Variants in FRMPD2 observed in about 807,000 individuals in gnomAD.
The protein encoded by FRMPD2 is FERM and PDZ domain-containing protein 2.
FRMPD2 carries 96 observed loss-of-function variants against 140.1 expected under a neutral mutation model. The observed-to-expected ratio is 0.69, with a 90% CI of 0.58 to 0.81. The LOEUF (loss-of-function observed/expected upper bound fraction) is 0.81. Ranked by LOEUF, FRMPD2 falls within the 40% of genes least tolerant of loss-of-function variation. The probability of loss-of-function intolerance (pLI) is 0.00; values close to 1 mark genes in which losing one functional copy is unlikely to be tolerated. For synonymous variants in FRMPD2, 449 were observed against 547.6 expected, an observed-to-expected ratio of 0.82 and a Z score of 2.52; for missense variants, 1,240 against 1,447.4, an observed-to-expected ratio of 0.86 and a Z score of 2.32.
At position 48,243,019 on chromosome 10, in the gene FRMPD2, G is replaced by C. The variant is rs149180942; in HGVS notation, c.376-667C>G. On this transcript the variant is annotated intron_variant, in intron 4 of 28. Coordinates refer to ENST00000374201, the MANE Select transcript of FRMPD2 (RefSeq NM_001018071.4). ...TTCTCAAGCTCAACACACACTGCAG[G>C]TCACTTTCCAGATAAAGGCTGCACT... Among the ~76,000 whole-genome samples the C allele has an allele frequency of 7.0e-4, 106 of 152,266 alleles. 1 individual carries two copies. In the East Asian group the frequency reaches 0.018, roughly 26 times the overall value.
intron 12 of FRMPD2, among the ~76,000 whole-genome samples, chr10:48,222,061 G>T (rs1839605708): frequency 1.3e-5 from 2 of 151,658 alleles, no homozygotes; most frequent in South Asian, 4.2e-4. Flanking sequence ...TGGGTGGATG[G>T]ATGGATGGAT....
At chr10:48,192,617 T>G (rs868485685) in intron 16 of FRMPD2, 67 bp downstream of exon 16, 1 of 1,369,772 alleles carries the variant, frequency 7.3e-7, no homozygotes, top group South Asian at 1.2e-5. Flanking sequence ...AAATCTTCAG[T>G]ACAGATCACT....
chr10:48,204,200 A>G (rs1839151126), intron 14 of FRMPD2, among the ~76,000 whole-genome samples: 1 of 152,216 alleles, frequency 6.6e-6, no homozygotes, highest in Non-Finnish European at 1.5e-5. Context: ...ATGAAAAACT[A>G]TAATTTAGTT....
At position 48,175,953 on chromosome 10, in the gene FRMPD2, C is replaced by A. The variant is rs1838398431; in HGVS notation, c.2896-14G>T. On this transcript the variant is annotated splice_polypyrimidine_tract_variant and intron_variant, in intron 22 of 28. Coordinates refer to ENST00000374201, the MANE Select transcript of FRMPD2 (RefSeq NM_001018071.4). ...GTTAATGCCACCCTGAAAAACACAACAAAAAACTCACCACCCATCTTTCCT... is the reference window on the plus strand; with the variant it reads ...GTTAATGCCACCCTGAAAAACACAAAAAAAAACTCACCACCCATCTTTCCT... The A allele has an allele frequency of 6.2e-7, 1 of 1,603,342 alleles. No homozygotes were observed. Among genetic ancestry groups the A allele is most frequent in the Non-Finnish European group, 8.5e-7 (1 of 1,171,950 alleles).
At chr10:48,248,230 G>T (rs1840296543) in intron 3 of FRMPD2, among the ~76,000 whole-genome samples, 1 of 152,148 alleles carries the variant, frequency 6.6e-6, no homozygotes, top group Non-Finnish European at 1.5e-5. Flanking sequence ...TGGCTGCCTT[G>T]CACCATTCTC....
chr10:48,206,870 G>T lies in FRMPD2; in HGVS notation c.1675C>A (p.Pro559Thr), dbSNP rs1839212847. The T allele has an allele frequency of 6.2e-7, 1 of 1,614,010 alleles. No homozygotes were observed. Among genetic ancestry groups the T allele is most frequent in the Non-Finnish European group, 8.5e-7 (1 of 1,179,934 alleles). Reference sequence around the variant, plus strand: ...ATCCCCAGGGCCATCTCCTCTTCTGGCCTCCTCTTCTCTGAGAATACTTGG... The same window carrying T: ...ATCCCCAGGGCCATCTCCTCTTCTGTCCTCCTCTTCTCTGAGAATACTTGG... Reference protein sequence around the residue: ...VHQVFSEKRRPEEEMALGICA... With the variant: ...VHQVFSEKRRTEEEMALGICA... Residue 559 changes from proline (P) to threonine (T), a missense_variant, in exon 14 of 29, where the codon CCA becomes ACA. By Grantham distance (38) the Pro-to-Thr change is conservative (BLOSUM62 -1). Coordinates refer to ENST00000374201, the MANE Select transcript of FRMPD2 (RefSeq NM_001018071.4).
intron 12 of FRMPD2, among the ~76,000 whole-genome samples, chr10:48,217,338 C>T (rs1200666572): frequency 6.6e-6 from 1 of 152,168 alleles, no homozygotes; most frequent in Non-Finnish European, 1.5e-5. Flanking sequence ...AAAATGAATT[C>T]ATCATCCCAC....
intron 28 of FRMPD2, among the ~76,000 whole-genome samples, chr10:48,158,664 C>T (rs1446528322): frequency 6.7e-6 from 1 of 148,204 alleles, no homozygotes; most frequent in South Asian, 2.2e-4. Context: ...TCTTCCTGCC[C>T]TCACTCTCTG....
chr10:48,233,565 A>G (rs1588844878), intron 9 of FRMPD2, among the ~76,000 whole-genome samples: 1 of 152,196 alleles, frequency 6.6e-6, no homozygotes, highest in East Asian at 1.9e-4. Flanking sequence ...TATGCCCATA[A>G]TGGGCCCCTG....
At chr10:48,237,286 T>C (rs1053174229) in intron 8 of FRMPD2, among the ~76,000 whole-genome samples, 1 of 152,118 alleles carries the variant, frequency 6.6e-6, no homozygotes, top group Admixed American at 6.5e-5. Flanking sequence ...CTGCAAGAGT[T>C]CCCAATAGAA....
intron 19 of FRMPD2, 24 bp downstream of exon 19, chr10:48,184,750 C>T: frequency 6.3e-7 from 1 of 1,599,292 alleles, no homozygotes; most frequent in Non-Finnish European, 8.6e-7. Context: ...AAAACAGCAT[C>T]TCTAGTAATT....
intron 13 of FRMPD2, among the ~76,000 whole-genome samples, chr10:48,207,767 G>T (rs1839233837): frequency 6.6e-6 from 1 of 152,118 alleles, no homozygotes; most frequent in African/African-American, 2.4e-5. Flanking sequence ...TCTCAGAAGG[G>T]TTGTATTGCT....
intron 28 of FRMPD2, among the ~76,000 whole-genome samples, chr10:48,162,845 C>T (rs1341902216): frequency 1.5e-5 from 2 of 134,264 alleles, no homozygotes; most frequent in East Asian, 2.3e-4. Flanking sequence ...AGCTATTGAC[C>T]GGCTGAGGTG....
intron 21 of FRMPD2, among the ~76,000 whole-genome samples, chr10:48,178,664 G>C (rs2564822): frequency 7.2e-5 from 11 of 152,134 alleles, no homozygotes; most frequent in African/African-American, 2.2e-4. Context: ...ATCTGGGTTG[G>C]GTCCTACAGC....
In FRMPD2 at chr10:48,244,971, T is replaced by C. The variant is rs1470166766; in HGVS notation, c.310-122A>G. ...CTGTTGTCTGGCGAGTCTAGCACCA[T>C]CTGCAACTCCCTTAACCCTTGTTAC... On this transcript the variant is annotated intron_variant, in intron 3 of 28. Coordinates refer to ENST00000374201, the MANE Select transcript of FRMPD2 (RefSeq NM_001018071.4). The C allele has an allele frequency of 6.7e-6, 5 of 747,414 alleles. No homozygotes were observed. The East Asian group carries it at 1.3e-4, about 20-fold the overall frequency. 46.3% of individuals were successfully genotyped at this position (747,414 alleles called of 1,614,324 possible).
intron 1 of FRMPD2, among the ~76,000 whole-genome samples, chr10:48,261,201 G>T (rs368052061): frequency 6.6e-6 from 1 of 152,068 alleles, no homozygotes; most frequent in Non-Finnish European, 1.5e-5. Context: ...ATACCAGAAG[G>T]AGAAGGTGGA....
chr10:48,242,383 G>C (rs370515806), intron 4 of FRMPD2, 31 bp from the exon 5 acceptor site: 39 of 1,589,942 alleles, frequency 2.5e-5, no homozygotes, highest in Non-Finnish European at 3.3e-5. Flanking sequence ...TGAGAGGAGA[G>C]AGCAGCCAGA....
chr10:48,218,904 A>C (rs563632575), intron 12 of FRMPD2, among the ~76,000 whole-genome samples: 1 of 152,358 alleles, frequency 6.6e-6, no homozygotes, highest in South Asian at 2.1e-4. Flanking sequence ...TTTGCAAGAC[A>C]ATAAATGACA....
At chr10:48,236,184 G>A (rs1279411956) in intron 9 of FRMPD2, among the ~76,000 whole-genome samples, 7 of 151,520 alleles carry the variant, frequency 4.6e-5, no homozygotes, top group African/African-American at 1.5e-4. Context: ...TGTTTCATTC[G>A]CAGCATAGAT....
Sources: gnomAD v4.1 joint callset for allele counts (sites outside exome capture counted in the v4.1 genomes callset) on GRCh38, gnomAD v4.1.1 for gene constraint, MANE v1.5 for transcripts, NCBI Gene and HGNC (gene_info 2026-07-23, HGNC 2026-07-21) for gene names.